Variants in POGZ observed in about 807,000 individuals in gnomAD.
POGZ encodes pogo transposable element derived with ZNF domain, also known as pogo transposable element with ZNF domain.
A neutral mutation model predicts 134.6 loss-of-function variants in POGZ; 17 were observed. The observed-to-expected ratio is 0.13, with a 90% confidence interval of 0.09 to 0.19. POGZ has a LOEUF of 0.19. POGZ is among the 10% of genes least tolerant of loss of function. The probability of loss-of-function intolerance (pLI) is 1.00; values close to 1 mark genes in which losing one functional copy is unlikely to be tolerated. For synonymous variants in POGZ, 693 were observed against 657.1 expected (o/e 1.05, Z -0.84); for missense variants, 1,306 against 1,769.7 (o/e 0.74, Z 4.70).
intron 1 of POGZ, among the ~76,000 whole-genome samples, chr1:151,452,309 T>C (rs1662214860): frequency 6.6e-6 from 1 of 151,668 alleles, no homozygotes; most frequent in South Asian, 2.1e-4. Context: ...TTAATAGAAA[T>C]ATCTTGAAAG....
rs764559879 is a variant in POGZ, at chr1:151,411,739, C to G, written c.1812G>C (p.Glu604Asp). 1 of 1,612,794 alleles carries G rather than the reference C, an allele frequency of 6.2e-7. No individual in the cohort carries two copies. Among genetic ancestry groups the G allele is most frequent in the Non-Finnish European group, 8.5e-7 (1 of 1,179,206 alleles). The change falls in exon 12 of 19, where the codon GAG becomes GAC. Residue 604 changes from glutamate (E) to aspartate (D), a missense_variant. This residue lies in a region of POGZ where 149 missense variants were observed against 237.5 expected (regional missense o/e 0.63). Coordinates refer to ENST00000271715, the MANE Select transcript of POGZ (RefSeq NM_015100.4). The stretch of plus-strand genomic sequence containing the variant: ...GGATCATCCGAAAATGGACATCTAC[C>G]TCAGAGTAGAGTGAGGAGCGATATT... Reference protein sequence around the residue: ...VCQYRSSLYSEVDVHFRMIHE... With the variant: ...VCQYRSSLYSDVDVHFRMIHE...
intron 1 of POGZ, among the ~76,000 whole-genome samples, chr1:151,453,373 G>A (rs1662375880): frequency 6.6e-6 from 1 of 151,938 alleles, no homozygotes; most frequent in African/African-American, 2.4e-5. Flanking sequence ...TGGTAGCCTT[G>A]TTGGTTGAAT....
chr1:151,444,882 G>A (rs963003513), intron 1 of POGZ, among the ~76,000 whole-genome samples: 3 of 151,930 alleles, frequency 2.0e-5, no homozygotes, highest in African/African-American at 7.3e-5. Flanking sequence ...TTAGCCAGGC[G>A]TGCAGCACAC....
chr1:151,420,754 C>T (rs1244377957), intron 10 of POGZ, among the ~76,000 whole-genome samples: 1 of 151,886 alleles, frequency 6.6e-6, no homozygotes, highest in Non-Finnish European at 1.5e-5. Context: ...TTCAAAAGAT[C>T]TGTTTTTTAA....
chr1:151,452,015 T>G (rs571209887), intron 1 of POGZ, among the ~76,000 whole-genome samples: 4 of 148,022 alleles, frequency 2.7e-5, no homozygotes, highest in Non-Finnish European at 4.4e-5. Context: ...GAGAATTGCT[T>G]GAACCCGGGA....
intron 15 of POGZ, 148 bp from the exon 16 acceptor site, chr1:151,407,439 C>T (rs1187478100): frequency 1.6e-6 from 1 of 608,496 alleles, no homozygotes; most frequent in Non-Finnish European, 2.9e-6. Context: ...CACCATGCTT[C>T]TTAAACTTTA....
chr1:151,458,347 C>G (rs952669924), intron 1 of POGZ, among the ~76,000 whole-genome samples: 1 of 152,062 alleles, frequency 6.6e-6, no homozygotes, highest in African/African-American at 2.4e-5. Flanking sequence ...ATAAAGATTC[C>G]CCGCCTCATT....
chr1:151,448,773 G>A (rs1032516702), intron 1 of POGZ, among the ~76,000 whole-genome samples: 1 of 152,150 alleles, frequency 6.6e-6, no homozygotes, highest in Non-Finnish European at 1.5e-5. Context: ...GCTGAGGTGG[G>A]AGAATCTCTT....
intron 10 of POGZ, among the ~76,000 whole-genome samples, chr1:151,421,604 T>G (rs548325489): frequency 3.3e-4 from 51 of 152,334 alleles, no homozygotes; most frequent in African/African-American, 1.2e-3. Context: ...CTAACAATTT[T>G]TTATCTGGAC....
At chr1:151,435,442 A>G (rs951893573) in intron 3 of POGZ, among the ~76,000 whole-genome samples, 2 of 152,194 alleles carry the variant, frequency 1.3e-5, no homozygotes, top group African/African-American at 4.8e-5. Context: ...AGTAAATTCT[A>G]AAGAACATCA....
At chr1:151,458,468 A>G (rs995977640) in intron 1 of POGZ, among the ~76,000 whole-genome samples, 1 of 152,102 alleles carries the variant, frequency 6.6e-6, no homozygotes, top group Non-Finnish European at 1.5e-5. Context: ...TAGACCAAGC[A>G]GAGATTACAT....
intron 1 of POGZ, among the ~76,000 whole-genome samples, chr1:151,457,983 A>T (rs1192668246): frequency 6.6e-6 from 1 of 151,672 alleles, no homozygotes; most frequent in Non-Finnish European, 1.5e-5. Flanking sequence ...CGGCGGTAAG[A>T]GGTGTCTACG....
intron 4 of POGZ, among the ~76,000 whole-genome samples, chr1:151,430,126 T>G (rs1010170231): frequency 1.3e-5 from 2 of 152,092 alleles, no homozygotes; most frequent in African/African-American, 4.8e-5. Flanking sequence ...TCAAAGGCCA[T>G]AAACCTTTGG....
At chr1:151,418,773 C>CT (rs1360475600) in intron 10 of POGZ, among the ~76,000 whole-genome samples, 1 of 151,798 alleles carries the variant, frequency 6.6e-6, no homozygotes. Context: ...TGCCTGTAAT[C>CT]CTAGCACTTT....
rs769079753 is a variant in POGZ at position 151,428,168 on chromosome 1, C to G, written c.814G>C (p.Val272Leu). The G allele has an allele frequency of 1.2e-6, 2 of 1,614,194 alleles. No homozygotes were observed. Among genetic ancestry groups the G allele is most frequent in the South Asian group, 2.2e-5 (2 of 91,086 alleles). Residue 272 changes from valine (V) to leucine (L), a missense_variant, in exon 6 of 19, where the codon GTT (valine) becomes CTT (leucine). Physicochemically the swap from Val to Leu is conservative, Grantham distance 32. Transcript: ENST00000271715. ...TQPTSLGQLA[V>L]QSPGQSNQTT... ...TGGTTTGACTGGCCTGGAGACTGAA[C>G]AGCTAGTTGCCCCAGTGAGGTTGGC...
rs552268127 is a variant in POGZ, at chr1:151,436,118, G to A, written c.283+4810C>T. Among the ~76,000 whole-genome samples the A allele has an allele frequency of 5.0e-4, 76 of 151,832 alleles. No individual in the cohort carries two copies. The South Asian group carries it at 0.014, about 28-fold the overall frequency. The stretch of plus-strand genomic sequence containing the variant: ...ATTACAGGCACATGCCACCATGCCC[G>A]GCTAGTTTTTTATATTTTTAGTAGA... On this transcript the variant is annotated intron_variant, in intron 3 of 18. Coordinates refer to ENST00000271715, the MANE Select transcript of POGZ (RefSeq NM_015100.4).
At position 151,405,902 on chromosome 1, in the gene POGZ, C is replaced by T; in HGVS notation, c.3133G>A (p.Val1045Ile). 6.2e-7 allele frequency: 1 copy of T among 1,614,180 alleles called. No individual in the cohort carries two copies. The highest frequency in any genetic ancestry group is 1.1e-5 in the South Asian group (1 of 91,086). The change falls in exon 19 of 19, where the codon GTA becomes ATA. Residue 1045 changes from valine (V) to isoleucine (I), a missense_variant. Coordinates refer to ENST00000271715, the MANE Select transcript of POGZ (RefSeq NM_015100.4). The surrounding 1 kb of genome is among the most constrained non-coding windows in gnomAD (Gnocchi z 4.9). ...VLTQREQQLP[V>I]NEETLFQKAT... ...TTCTGGAACAAGGTCTCCTCATTTA[C>T]AGGTAGCTGTTGTTCGCGCTGGGTT...
intron 9 of POGZ, 146 bp from the exon 10 acceptor site, chr1:151,423,697 G>C (rs1241263363): frequency 1.4e-6 from 1 of 714,670 alleles, no homozygotes; most frequent in Admixed American, 3.0e-5. Context: ...TCTGAGCCCA[G>C]AAAGATAATG....
chr1:151,417,500 A>C (rs1026979869), intron 10 of POGZ, among the ~76,000 whole-genome samples: 13 of 151,952 alleles, frequency 8.6e-5, no homozygotes, highest in African/African-American at 2.7e-4. Flanking sequence ...AGCTGGGATT[A>C]CAAGTGTGCA....
Sources: gnomAD v4.1 joint callset for allele counts (sites outside exome capture counted in the v4.1 genomes callset) on GRCh38, gnomAD v4.1.1 for gene constraint, gnomAD v4.1.1 regional missense constraint, Gnocchi (gnomAD v3.1) non-coding constraint, MANE v1.5 for transcripts, NCBI Gene and HGNC (gene_info 2026-07-23, HGNC 2026-07-21) for gene names.